The following SLC6A11 variants were observed in gnomAD, a reference collection of about 807,000 sequenced individuals.
The protein encoded by SLC6A11 is solute carrier family 6 member 11, also known as sodium- and chloride-dependent GABA transporter 3.
A neutral mutation model predicts 74.8 loss-of-function variants in SLC6A11; 25 were observed. The observed-to-expected ratio is 0.33, with a 90% CI of 0.24 to 0.47. SLC6A11 has a LOEUF of 0.47. Ranked by LOEUF, SLC6A11 falls within the 20% of genes least tolerant of loss-of-function variation. The probability of loss-of-function intolerance (pLI) is 1.00; values close to 1 mark genes in which losing one functional copy is unlikely to be tolerated. For synonymous variants in SLC6A11, 330 were observed against 330.2 expected, an observed-to-expected ratio of 1.00 and a Z score of 0.01; for missense variants, 574 against 837.0, an observed-to-expected ratio of 0.69 and a Z score of 3.88.
intron 6 of SLC6A11, among the ~76,000 whole-genome samples, chr3:10,911,471 G>A (rs113113263): frequency 2.0e-5 from 3 of 152,082 alleles, no homozygotes; most frequent in Admixed American, 6.5e-5. Flanking sequence ...GAAGCCTAGA[G>A]GGGGGGAGTC....
chr3:10,903,118 C>A (rs975086422), intron 6 of SLC6A11, among the ~76,000 whole-genome samples: 37 of 152,136 alleles, frequency 2.4e-4, no homozygotes, highest in African/African-American at 8.5e-4. Flanking sequence ...GTTAATGCTG[C>A]ATTTGTCAAA....
chr3:10,823,207 A>G, intron 3 of SLC6A11, 95 bp from the exon 4 acceptor site: 1 of 853,898 alleles, frequency 1.2e-6, no homozygotes, highest in Non-Finnish European at 2.0e-6. Context: ...GGGTAGATGA[A>G]AATGCCTAGT....
rs1260801551 is a variant in SLC6A11 at position 10,818,085 on chromosome 3, TAA to T, written c.257-1372_257-1371del. 2.2e-3 allele frequency among the ~76,000 whole-genome samples: 308 copies of T among 139,322 alleles called. 4 individuals are homozygous for T. Among genetic ancestry groups the T allele is most frequent in the African/African-American group, 6.9e-3 (270 of 39,052 alleles). 91.4% of individuals were successfully genotyped at this position (139,322 alleles called of 152,430 possible). On this transcript the variant is annotated intron_variant, in intron 1 of 13. Coordinates refer to ENST00000254488, the MANE Select transcript of SLC6A11 (RefSeq NM_014229.3). ...TGTCACAGATTTTTTTTTTTTTTTT[TAA>T]AAAAAAAGGTTGTAGTGAGTAAAGT...
chr3:10,925,963 G>T, intron 8 of SLC6A11, 41 bp from the exon 9 acceptor site: 2 of 1,098,574 alleles, frequency 1.8e-6, no homozygotes, highest in Non-Finnish European at 1.4e-6. Context: ...TATGAGGGAT[G>T]GGACTCCACC....
intron 3 of SLC6A11, among the ~76,000 whole-genome samples, chr3:10,821,844 A>C (rs950648003): frequency 6.6e-6 from 1 of 152,104 alleles, no homozygotes; most frequent in Non-Finnish European, 1.5e-5. Flanking sequence ...TAATTGAGAA[A>C]TCCTATTTTA....
intron 8 of SLC6A11, among the ~76,000 whole-genome samples, chr3:10,922,157 G>A (rs759632929): frequency 6.6e-6 from 1 of 152,166 alleles, no homozygotes; most frequent in Non-Finnish European, 1.5e-5. Flanking sequence ...AGTGCACTCA[G>A]TGCCTGCAGA....
chr3:10,922,650 A>G (rs904810083), intron 8 of SLC6A11, among the ~76,000 whole-genome samples: 4 of 152,166 alleles, frequency 2.6e-5, no homozygotes, highest in Non-Finnish European at 4.4e-5. Context: ...TTCCCTGAAT[A>G]TATCATTTTT....
rs1694053157 is a variant in SLC6A11 at position 10,816,231 on chromosome 3, G to A, written c.-35G>A. On this transcript the variant is annotated 5_prime_UTR_variant, in exon 1 of 14. Coordinates refer to ENST00000254488, the MANE Select transcript of SLC6A11 (RefSeq NM_014229.3). This position sits in a 1 kb window ranked among gnomAD's most constrained non-coding sequence, Gnocchi z 4.2. ...CCAGCTCGCCCGGGGCGGCGGCGCA[G>A]AGCCGGGCCGGCGCACGAGGCAGCC... 3 of 1,280,932 alleles carry A rather than the reference G, an allele frequency of 2.3e-6. No individual in the cohort carries two copies. In the South Asian group the frequency reaches 8.3e-5, roughly 35 times the overall value. 79.3% of individuals were successfully genotyped at this position (1,280,932 alleles called of 1,614,324 possible).
chr3:10,869,277 G>T (rs1238922126), intron 5 of SLC6A11, among the ~76,000 whole-genome samples: 4 of 152,234 alleles, frequency 2.6e-5, no homozygotes, highest in African/African-American at 9.6e-5. Flanking sequence ...GGCTCAGGGA[G>T]GACGGGGCAA....
At chr3:10,860,827 A>C (rs1694694552) in intron 5 of SLC6A11, among the ~76,000 whole-genome samples, 1 of 152,222 alleles carries the variant, frequency 6.6e-6, no homozygotes, top group African/African-American at 2.4e-5. Context: ...CAGAAGGAGG[A>C]ACAGATTTGG....
chr3:10,933,395 G>T, intron 11 of SLC6A11, 142 bp downstream of exon 11: 1 of 654,380 alleles, frequency 1.5e-6, no homozygotes, highest in South Asian at 1.8e-5. Context: ...GGATTCCTTG[G>T]CCTTTTCCCA....
In SLC6A11 at chr3:10,834,235, G is replaced by T. The variant is rs148607660; in HGVS notation, c.624-9979G>T. ...TCTCTGCCGTTCCAGGCTTCTTCCT[G>T]TGTGTGAAATGTGGTCAGCTGCCTG... is the stretch of plus-strand genomic sequence containing the variant. On this transcript the variant is annotated intron_variant, in intron 4 of 13. Transcript: ENST00000254488. 3.9e-5 allele frequency among the ~76,000 whole-genome samples: 6 copies of T among 152,338 alleles called. No homozygotes were observed. In the East Asian group the frequency reaches 5.8e-4, roughly 15 times the overall value.
intron 4 of SLC6A11, among the ~76,000 whole-genome samples, chr3:10,836,177 T>A (rs920385233): frequency 3.9e-5 from 6 of 152,248 alleles, no homozygotes; most frequent in African/African-American, 1.4e-4. Flanking sequence ...TTTATCTATG[T>A]TGTAGCATGA....
chr3:10,900,700 G>C (rs1029793913), intron 6 of SLC6A11, among the ~76,000 whole-genome samples: 3 of 152,192 alleles, frequency 2.0e-5, no homozygotes, highest in Non-Finnish European at 4.4e-5. Context: ...GTGGTTCTGG[G>C]GGGAGATGAT....
intron 10 of SLC6A11, among the ~76,000 whole-genome samples, chr3:10,930,828 G>A (rs1044423569): frequency 6.6e-6 from 1 of 152,074 alleles, no homozygotes; most frequent in African/African-American, 2.4e-5. Context: ...TGCCCAAGGG[G>A]TGTTTCATGG....
At chr3:10,841,864 C>T (rs1045426475) in intron 4 of SLC6A11, among the ~76,000 whole-genome samples, 4 of 152,198 alleles carry the variant, frequency 2.6e-5, no homozygotes, top group African/African-American at 9.7e-5. Context: ...CGCGTGCATA[C>T]ACCCTGGCTC....
At chr3:10,891,629 G>T (rs1254377516) in intron 6 of SLC6A11, among the ~76,000 whole-genome samples, 1 of 152,104 alleles carries the variant, frequency 6.6e-6, no homozygotes. Context: ...CAGTATGTAG[G>T]TCCAACTTCT....
chr3:10,823,366 C>T lies in SLC6A11; in HGVS notation c.597C>T (p.Ala199=). ...ACAGCCATGTGTCTCTGCAGAATGC[C>T]ACCTCCCCTGTCATGGAGTTTTGGG... is the stretch of plus-strand genomic sequence containing the variant. The part of the protein sequence containing the change: ...SNYSHVSLQN[A]TSPVMEFWEH... Residue 199 remains alanine, a synonymous_variant, in exon 4 of 14, where the codon GCC becomes GCT. Transcript: ENST00000254488. 2 of 1,613,336 alleles carry T rather than the reference C, an allele frequency of 1.2e-6. No homozygotes were observed. The highest frequency in any genetic ancestry group is 1.7e-6 in the Non-Finnish European group (2 of 1,179,338).
At chr3:10,873,669 T>C (rs1694866955) in intron 5 of SLC6A11, among the ~76,000 whole-genome samples, 1 of 124,746 alleles carries the variant, frequency 8.0e-6, no homozygotes, top group Admixed American at 7.6e-5. Flanking sequence ...CGTCCTATCC[T>C]ATCCTATCCT....
Sources: gnomAD v4.1 joint callset for allele counts (sites outside exome capture counted in the v4.1 genomes callset) on GRCh38, gnomAD v4.1.1 for gene constraint, Gnocchi (gnomAD v3.1) non-coding constraint, MANE v1.5 for transcripts, NCBI Gene and HGNC (gene_info 2026-07-23, HGNC 2026-07-21) for gene names.